The following TNS3 variants were observed in gnomAD, a reference collection of about 807,000 sequenced individuals.
TNS3 encodes tensin 3, also known as tensin-3.
In TNS3, 45 loss-of-function variants were observed where a neutral mutation model predicts 140.9. That is an observed-to-expected ratio of 0.32 (90% confidence interval 0.25 to 0.41). The LOEUF (loss-of-function observed/expected upper bound fraction) is 0.41. Among genes scored for constraint, TNS3 ranks in the 10% least tolerant of loss-of-function variants. The probability of loss-of-function intolerance (pLI) is 1.00; values close to 1 mark genes in which losing one functional copy is unlikely to be tolerated. For missense variants in TNS3, 1,716 were observed against 1,906.7 expected (o/e 0.90, Z 1.86); for synonymous variants, 815 against 788.4 (o/e 1.03, Z -0.56).
intron 6 of TNS3, among the ~76,000 whole-genome samples, chr7:47,437,942 G>A (rs1233597604): frequency 6.6e-6 from 1 of 151,234 alleles, no homozygotes; most frequent in Non-Finnish European, 1.5e-5. Context: ...CCTGGAAAGG[G>A]CTGAGTTCAT....
In TNS3 at chr7:47,321,099, T is replaced by C. The variant is rs533811916; in HGVS notation, c.2651-16096A>G. Among the ~76,000 whole-genome samples the C allele has an allele frequency of 3.0e-4, 46 of 152,310 alleles. 1 individual carries two copies. The highest frequency in any genetic ancestry group is 2.5e-3 in the Admixed American group (38 of 15,306). ...GAGGCAGGACTCCAGGAGGAGCCAATTGTGCCAGAAAACCTGCATCTCATG... is the reference window on the plus strand; with the variant it reads ...GAGGCAGGACTCCAGGAGGAGCCAACTGTGCCAGAAAACCTGCATCTCATG... On this transcript the variant is annotated intron_variant, in intron 20 of 30. Coordinates refer to ENST00000311160, the MANE Select transcript of TNS3 (RefSeq NM_022748.12).
At chr7:47,390,184 A>G (rs1219345454) in intron 16 of TNS3, among the ~76,000 whole-genome samples, 3 of 152,222 alleles carry the variant, frequency 2.0e-5, no homozygotes, top group African/African-American at 7.2e-5. Context: ...AGACTGAAGG[A>G]TCTGTCAGGT....
intron 22 of TNS3, 105 bp downstream of exon 22, chr7:47,302,845 C>G: frequency 6.9e-7 from 1 of 1,443,356 alleles, no homozygotes. Context: ...CTCCAGGTGC[C>G]CAGCCCAGCA....
At chr7:47,316,899 T>C (rs950441590) in intron 20 of TNS3, among the ~76,000 whole-genome samples, 2 of 151,696 alleles carry the variant, frequency 1.3e-5, no homozygotes, top group African/African-American at 4.9e-5. Context: ...CCAGATATAA[T>C]GAGAATTAAT....
chr7:47,491,533 G>A (rs2151828920), intron 3 of TNS3, among the ~76,000 whole-genome samples: 1 of 152,280 alleles, frequency 6.6e-6, no homozygotes, highest in Middle Eastern at 3.4e-3. Context: ...TGGAGTGAGG[G>A]TGAAAGGGGA....
chr7:47,327,147 C>T (rs1362409949), intron 20 of TNS3, among the ~76,000 whole-genome samples: 1 of 152,232 alleles, frequency 6.6e-6, no homozygotes, highest in Non-Finnish European at 1.5e-5. Context: ...CAGGGTCCCA[C>T]AGAGCCCCAG....
At chr7:47,497,774 G>T (rs534742129) in intron 3 of TNS3, among the ~76,000 whole-genome samples, 2 of 151,944 alleles carry the variant, frequency 1.3e-5, no homozygotes, top group Non-Finnish European at 2.9e-5. Context: ...ATGGATGCCT[G>T]GCCTTGCTGC....
At chr7:47,345,721 C>T (rs562664496) in intron 18 of TNS3, among the ~76,000 whole-genome samples, 27 of 152,252 alleles carry the variant, frequency 1.8e-4, no homozygotes, top group Middle Eastern at 6.8e-3. Context: ...AGGGAGGTCT[C>T]GGAGGGAGGA....
At chr7:47,482,960 C>T (rs1797476130) in intron 3 of TNS3, among the ~76,000 whole-genome samples, 2 of 152,186 alleles carry the variant, frequency 1.3e-5, no homozygotes, top group South Asian at 4.1e-4. Flanking sequence ...TCTTTAGGGC[C>T]ATGAAGCTAT....
chr7:47,532,275 G>C (rs765181682), intron 1 of TNS3, among the ~76,000 whole-genome samples: 16 of 152,168 alleles, frequency 1.1e-4, no homozygotes, highest in Admixed American at 1.0e-3. Flanking sequence ...TGTAGGCTGG[G>C]GACGGGCTGC....
Position 47,277,911 on chromosome 7 carries a change from T to G in TNS3, c.*165A>C. On this transcript the variant is annotated 3_prime_UTR_variant, in exon 31 of 31. Coordinates refer to ENST00000311160, the MANE Select transcript of TNS3 (RefSeq NM_022748.12). The stretch of plus-strand genomic sequence containing the variant: ...TTCAGGAAAGGCCAATTCACGGTGA[T>G]GTTGTTTGTTCTTGTTTTTGCAGAG... The G allele has an allele frequency of 1.3e-6, 1 of 788,222 alleles. No individual in the cohort carries two copies. The highest frequency in any genetic ancestry group is 2.2e-6 in the Non-Finnish European group (1 of 459,186). The allele number at this position is 788,222 out of a possible 1,614,324, so 48.8% of individuals were successfully genotyped here.
At chr7:47,530,100 A>G (rs1309926381) in intron 1 of TNS3, among the ~76,000 whole-genome samples, 1 of 152,178 alleles carries the variant, frequency 6.6e-6, no homozygotes, top group African/African-American at 2.4e-5. Context: ...CACAAGAGAA[A>G]GAAAGGTCAT....
intron 20 of TNS3, among the ~76,000 whole-genome samples, chr7:47,323,584 TTTC>T (rs1787870810): frequency 6.6e-6 from 1 of 152,100 alleles, no homozygotes; most frequent in Non-Finnish European, 1.5e-5. Flanking sequence ...TTCTCATGAG[TTTC>T]TTAAGTCACT....
intron 15 of TNS3, among the ~76,000 whole-genome samples, chr7:47,399,080 G>GAAAAAA (rs55834937): frequency 1.1e-5 from 1 of 93,604 alleles, no homozygotes; most frequent in Non-Finnish European, 2.0e-5. Context: ...TACGACAGCT[G>GAAAAAA]AAAAAAAAAA....
chr7:47,327,856 GA>G (rs201707251), intron 20 of TNS3, among the ~76,000 whole-genome samples: 4,997 of 152,158 alleles, frequency 0.033, 174 homozygotes, highest in South Asian at 0.12. Flanking sequence ...CCCTCCACTG[GA>G]GCCCAGGAGA....
At chr7:47,354,519 C>T (rs1214013967) in intron 17 of TNS3, among the ~76,000 whole-genome samples, 1 of 152,174 alleles carries the variant, frequency 6.6e-6, no homozygotes, top group Admixed American at 6.5e-5. Flanking sequence ...ACACCCTGAT[C>T]TCTCACACCT....
chr7:47,563,881 A>G (rs954614007), intron 1 of TNS3, among the ~76,000 whole-genome samples: 10 of 152,200 alleles, frequency 6.6e-5, no homozygotes, highest in Non-Finnish European at 1.5e-5. Flanking sequence ...ATGTTGCATG[A>G]GGGTATTTTT....
chr7:47,415,008 C>T (rs958737500), intron 11 of TNS3, 86 bp downstream of exon 11: 26 of 1,000,856 alleles, frequency 2.6e-5, no homozygotes, highest in Middle Eastern at 2.9e-4. Flanking sequence ...GAAGGAAAGC[C>T]GAGGCTTATC....
chr7:47,376,014 GAACT>G (rs1388061522), intron 16 of TNS3, among the ~76,000 whole-genome samples: 6 of 152,294 alleles, frequency 3.9e-5, no homozygotes, highest in African/African-American at 1.4e-4. Flanking sequence ...CATTTCAAAA[GAACT>G]AACAGTATCC....
Sources: gnomAD v4.1 joint callset for allele counts (sites outside exome capture counted in the v4.1 genomes callset) on GRCh38, gnomAD v4.1.1 for gene constraint, MANE v1.5 for transcripts, NCBI Gene and HGNC (gene_info 2026-07-23, HGNC 2026-07-21) for gene names.